Variants in AADAT observed in about 807,000 individuals in gnomAD.
The protein encoded by AADAT is kynurenine/alpha-aminoadipate aminotransferase, mitochondrial.
In AADAT, 25 loss-of-function variants were observed where a neutral mutation model predicts 56.2. That is an observed-to-expected ratio of 0.44 (90% CI 0.32 to 0.62). The LOEUF (loss-of-function observed/expected upper bound fraction) is 0.62, where lower values mean the gene tolerates loss of function less well. AADAT is among the 20% of genes least tolerant of loss of function. AADAT has a pLI of 0.04. For synonymous variants in AADAT, 173 were observed against 164.7 expected, an observed-to-expected ratio of 1.05 and a Z score of -0.39; for missense variants, 387 against 510.5, an observed-to-expected ratio of 0.76 and a Z score of 2.33.
intron 3 of AADAT, 123 bp from the exon 4 acceptor site, chr4:170,078,706 T>C (rs1430543411): frequency 8.9e-6 from 5 of 559,526 alleles, no homozygotes; most frequent in East Asian, 3.0e-5. Context: ...AAATTGTTTA[T>C]AAGGGGCCAA....
At chr4:170,071,828 G>A (rs1010729253) in intron 5 of AADAT, among the ~76,000 whole-genome samples, 2 of 152,162 alleles carry the variant, frequency 1.3e-5, no homozygotes, top group Non-Finnish European at 2.9e-5. Flanking sequence ...GAGTCCACAG[G>A]AGAAGCAAGA....
intron 2 of AADAT, 103 bp from the exon 3 acceptor site, chr4:170,087,351 T>C (rs755883708): frequency 1.5e-5 from 17 of 1,104,282 alleles, no homozygotes; most frequent in Non-Finnish European, 2.2e-5. Context: ...CTTTGTACAC[T>C]CAATTAAAAA....
At chr4:170,064,882 C>G (rs912594270) in intron 10 of AADAT, 57 bp from the exon 11 acceptor site, 2 of 1,476,040 alleles carry the variant, frequency 1.4e-6, no homozygotes, top group Non-Finnish European at 1.9e-6. Context: ...TTGATGATAT[C>G]AAAGTGTGTT....
chr4:170,089,561 C>A, intron 1 of AADAT, 63 bp downstream of exon 1: 1 of 1,598,466 alleles, frequency 6.3e-7, no homozygotes, highest in South Asian at 1.1e-5. Context: ...CTAGGGAACC[C>A]TCCTTAGAGG....
chr4:170,073,777 C>G (rs564782960), intron 4 of AADAT, among the ~76,000 whole-genome samples: 24 of 152,224 alleles, frequency 1.6e-4, no homozygotes, highest in South Asian at 8.3e-4. Context: ...AGGATTACAG[C>G]CGTGAGCTGC....
At chr4:170,062,115 C>A in intron 11 of AADAT, 122 bp from the exon 12 acceptor site, 2 of 541,952 alleles carry the variant, frequency 3.7e-6, no homozygotes, top group Non-Finnish European at 6.2e-6. Flanking sequence ...AAAGAAATCA[C>A]AAGAAAAAAT....
Position 170,070,406 on chromosome 4 carries a change from A to G in AADAT, c.720+181T>C. ...AGTAATACCAAAAAAGAAAGGTACT[A>G]ATTCCATAATAAAACTGGAAGACTG... On this transcript the variant is annotated intron_variant, in intron 6 of 12. Transcript: ENST00000337664. The G allele has an allele frequency of 1.2e-5, 6 of 505,318 alleles. No homozygotes were observed. In the South Asian group the frequency reaches 1.6e-4, roughly 13 times the overall value. The allele number at this position is 505,318 out of a possible 1,614,324, so 31.3% of individuals were successfully genotyped here.
rs1363217257 is a variant in AADAT, at chr4:170,077,064, A to T, written c.444+1445T>A. 5.9e-5 allele frequency among the ~76,000 whole-genome samples: 9 copies of T among 152,146 alleles called. No individual in the cohort carries two copies. The South Asian group carries it at 1.9e-3, about 32-fold the overall frequency. On this transcript the variant is annotated intron_variant, in intron 4 of 12. Transcript: ENST00000337664. ...CAGTTCTATTCTATTGGTCTATATG[A>T]TTGTCTTTATGCCAGTACCACATTG... is the stretch of plus-strand genomic sequence containing the variant.
chr4:170,062,968 T>G (rs1463836586), intron 11 of AADAT, among the ~76,000 whole-genome samples: 2 of 152,166 alleles, frequency 1.3e-5, no homozygotes, highest in African/African-American at 4.8e-5. Flanking sequence ...ATTAAGTCTT[T>G]GAGATTTTCA....
In AADAT at chr4:170,089,697, T is replaced by C. The variant is rs778315520; in HGVS notation, c.-7A>G. ...TGAACCGTGCGTAATTCATGTCTTC[T>C]GACAGCCAAGCATCAAGCTTCTTCT... is the stretch of plus-strand genomic sequence containing the variant. On this transcript the variant is annotated 5_prime_UTR_variant, in exon 1 of 13. Coordinates refer to ENST00000337664, the MANE Select transcript of AADAT (RefSeq NM_016228.4). The C allele has an allele frequency of 2.5e-6, 4 of 1,614,024 alleles. No homozygotes were observed. The highest frequency in any genetic ancestry group is 2.2e-5 in the East Asian group (1 of 44,884).
intron 3 of AADAT, among the ~76,000 whole-genome samples, chr4:170,078,887 C>G (rs573667355): frequency 6.6e-6 from 1 of 152,134 alleles, no homozygotes; most frequent in African/African-American, 2.4e-5. Context: ...GCTCTCAAAC[C>G]ATAGTTTGCC....
rs2111126489 is a variant in AADAT at position 170,060,293 on chromosome 4, A to G, written c.*635T>C. On this transcript the variant is annotated 3_prime_UTR_variant, in exon 13 of 13. Transcript: ENST00000337664. The stretch of plus-strand genomic sequence containing the variant: ...ACATAAGGTTTATGGTACTTTTACT[A>G]AAAGTCACTTATAATGACCAAATTA... 6.6e-6 allele frequency: 1 copy of G among 152,186 alleles called. No homozygotes were observed. Among genetic ancestry groups the G allele is most frequent in the East Asian group, 1.9e-4 (1 of 5,176 alleles). 9.4% of individuals were successfully genotyped at this position (152,186 alleles called of 1,614,324 possible).
chr4:170,070,925 T>C (rs528447201), intron 5 of AADAT, among the ~76,000 whole-genome samples: 1 of 152,310 alleles, frequency 6.6e-6, no homozygotes, highest in African/African-American at 2.4e-5. Flanking sequence ...TTTATTTTGT[T>C]TTTTTGAGAC....
intron 11 of AADAT, among the ~76,000 whole-genome samples, chr4:170,064,423 G>T (rs1731345975): frequency 6.6e-6 from 1 of 152,172 alleles, no homozygotes; most frequent in African/African-American, 2.4e-5. Context: ...TCCCCTAAGG[G>T]GTGGTGCTGG....
At chr4:170,084,445 C>A (rs916926280) in intron 3 of AADAT, among the ~76,000 whole-genome samples, 3 of 152,110 alleles carry the variant, frequency 2.0e-5, no homozygotes, top group Admixed American at 2.0e-4. Flanking sequence ...AAAGGTTTGA[C>A]AATCTTTGTA....
At chr4:170,071,831 A>T (rs1026809741) in intron 5 of AADAT, among the ~76,000 whole-genome samples, 1 of 152,122 alleles carries the variant, frequency 6.6e-6, no homozygotes, top group Non-Finnish European at 1.5e-5. Flanking sequence ...TCCACAGGAG[A>T]AGCAAGATGT....
intron 3 of AADAT, among the ~76,000 whole-genome samples, chr4:170,080,284 C>T (rs1243560115): frequency 2.0e-5 from 3 of 152,162 alleles, no homozygotes; most frequent in African/African-American, 7.2e-5. Flanking sequence ...CATACTTCAG[C>T]ATCTATGATA....
At position 170,089,819 on chromosome 4, in the gene AADAT, T is replaced by C; in HGVS notation, c.-129A>G. The C allele has an allele frequency of 2.2e-6, 2 of 924,788 alleles. No individual in the cohort carries two copies. Among genetic ancestry groups the C allele is most frequent in the Non-Finnish European group, 1.7e-6 (1 of 601,680 alleles). 57.3% of individuals were successfully genotyped at this position (924,788 alleles called of 1,614,324 possible). Reference sequence around the variant, plus strand: ...GCCACCGCGAGATGTGTCCCCCCGCTGCGTCTGGCTTCCCGCGCGCGGTGC... The same window carrying C: ...GCCACCGCGAGATGTGTCCCCCCGCCGCGTCTGGCTTCCCGCGCGCGGTGC... On this transcript the variant is annotated 5_prime_UTR_variant, in exon 1 of 13. Transcript: ENST00000337664.
At chr4:170,068,811 T>C (rs1731612115) in intron 7 of AADAT, 124 bp from the exon 8 acceptor site, 1 of 628,618 alleles carries the variant, frequency 1.6e-6, no homozygotes, top group Admixed American at 3.4e-5. Flanking sequence ...AATTAAAACA[T>C]TCTAATAAAA....
Sources: gnomAD v4.1 joint callset for allele counts (sites outside exome capture counted in the v4.1 genomes callset) on GRCh38, gnomAD v4.1.1 for gene constraint, MANE v1.5 for transcripts, NCBI Gene and HGNC (gene_info 2026-07-23, HGNC 2026-07-21) for gene names.